SLC25A24: variants seen among roughly 807,000 people sequenced by gnomAD.
The protein encoded by SLC25A24 is solute carrier family 25 member 24.
Under a neutral mutation model 60.7 loss-of-function variants are expected in SLC25A24, and 49 were observed. The ratio of observed to expected loss-of-function variants is 0.81; its 90% confidence interval spans 0.64 to 1.02. SLC25A24 has a LOEUF of 1.02. SLC25A24 is among the 50% of genes least tolerant of loss of function. The probability of loss-of-function intolerance (pLI) is 0.00; values close to 1 mark genes in which losing one functional copy is unlikely to be tolerated. For missense variants in SLC25A24, 564 were observed against 586.3 expected (o/e 0.96, Z 0.39); for synonymous variants, 202 against 200.6 (o/e 1.01, Z -0.06).
chr1:108,179,940 T>C (rs1255974976), intron 3 of SLC25A24, among the ~76,000 whole-genome samples: 1 of 152,192 alleles, frequency 6.6e-6, no homozygotes, highest in East Asian at 1.9e-4. Context: ...ACAATGTACA[T>C]ATACTTCAAA....
intron 2 of SLC25A24, among the ~76,000 whole-genome samples, chr1:108,184,870 C>G (rs1007540193): frequency 1.3e-5 from 2 of 152,150 alleles, no homozygotes; most frequent in African/African-American, 4.8e-5. Context: ...TCTTTAATAA[C>G]AAGTCTGTAA....
At chr1:108,150,970 G>GCAGGAGGACCCACTTGAGGT (rs1558010657) in intron 6 of SLC25A24, among the ~76,000 whole-genome samples, 1 of 151,134 alleles carries the variant, frequency 6.6e-6, no homozygotes, top group Non-Finnish European at 1.5e-5. Context: ...GGAGGCTGAG[G>GCAGGAGGACCCACTTGAGGT]CAGGAGGACC....
At chr1:108,150,192 A>G (rs1010993171) in intron 6 of SLC25A24, among the ~76,000 whole-genome samples, 3 of 152,198 alleles carry the variant, frequency 2.0e-5, no homozygotes, top group African/African-American at 7.2e-5. Flanking sequence ...AGTACAGAGT[A>G]AACGTTTAGT....
At chr1:108,172,360 T>C (rs758212380) in intron 3 of SLC25A24, among the ~76,000 whole-genome samples, 1 of 152,202 alleles carries the variant, frequency 6.6e-6, no homozygotes, top group Non-Finnish European at 1.5e-5. Flanking sequence ...GACTCGGTAA[T>C]TTATAAAGAA....
intron 1 of SLC25A24, chr1:108,192,418 T>C (rs1363472913): frequency 1.9e-6 from 2 of 1,052,704 alleles, no homozygotes; most frequent in Non-Finnish European, 1.4e-6. Context: ...AACATGTAAA[T>C]TTTGCCCTCT....
intron 6 of SLC25A24, among the ~76,000 whole-genome samples, chr1:108,151,022 G>GA (rs1434495679): frequency 8.6e-6 from 1 of 116,228 alleles, no homozygotes; most frequent in African/African-American, 3.3e-5. Flanking sequence ...CCAATACGGT[G>GA]AAACCTCACC....
At chr1:108,187,273 C>G (rs1041735821) in intron 1 of SLC25A24, among the ~76,000 whole-genome samples, 3 of 151,948 alleles carry the variant, frequency 2.0e-5, no homozygotes, top group Non-Finnish European at 4.4e-5. Flanking sequence ...GGTGACCCAT[C>G]ATTGAGGCTT....
intron 3 of SLC25A24, among the ~76,000 whole-genome samples, chr1:108,181,377 T>C (rs1006236489): frequency 6.6e-6 from 1 of 152,236 alleles, no homozygotes; most frequent in Non-Finnish European, 1.5e-5. Flanking sequence ...GCACCTGGGC[T>C]GCAGAGATTA....
rs188475284 is a variant in SLC25A24, at chr1:108,147,921, A to G, written c.930+358T>C. On this transcript the variant is annotated intron_variant, in intron 7 of 9. Coordinates refer to ENST00000565488, the MANE Select transcript of SLC25A24 (RefSeq NM_013386.5). Reference sequence around the variant, plus strand: ...TCTCTCTCTCTCTCTCTGTTGGACCACTGACTCTAGGGAAGCCAGCTACTG... The same window carrying G: ...TCTCTCTCTCTCTCTCTGTTGGACCGCTGACTCTAGGGAAGCCAGCTACTG... Among the ~76,000 whole-genome samples, 33 of 152,226 alleles carry G rather than the reference A, an allele frequency of 2.2e-4. No individual in the cohort carries two copies. In the East Asian group the frequency reaches 5.8e-3, roughly 27 times the overall value.
In SLC25A24 at chr1:108,154,973, T is replaced by C. The variant is rs772782322; in HGVS notation, c.822+10A>G. 6.3e-7 allele frequency: 1 copy of C among 1,595,624 alleles called. No individual in the cohort carries two copies. Among genetic ancestry groups the C allele is most frequent in the South Asian group, 1.1e-5 (1 of 88,034 alleles). ...CTTTGTTAATAAATTCCACGGGTGA[T>C]AACAATTACCTGTTCATATGCCCAG... On this transcript the variant is annotated intron_variant, in intron 6 of 9. Transcript: ENST00000565488.
chr1:108,152,914 C>A (rs1679794251), intron 6 of SLC25A24, among the ~76,000 whole-genome samples: 1 of 152,184 alleles, frequency 6.6e-6, no homozygotes, highest in South Asian at 2.1e-4. Context: ...TACTAAAGGG[C>A]ATTTCCCACC....
At chr1:108,138,951 A>C in intron 9 of SLC25A24, 107 bp downstream of exon 9, 1 of 1,158,610 alleles carries the variant, frequency 8.6e-7, no homozygotes, top group Non-Finnish European at 1.2e-6. Context: ...AAGGTTGAGA[A>C]ATACTGTCTT....
intron 6 of SLC25A24, among the ~76,000 whole-genome samples, chr1:108,149,595 A>G (rs1275706454): frequency 1.3e-5 from 2 of 152,230 alleles, no homozygotes; most frequent in Non-Finnish European, 2.9e-5. Context: ...TTGCTAAGAC[A>G]TTCTGCCCAA....
chr1:108,141,336 T>C (rs1056541950), intron 8 of SLC25A24, among the ~76,000 whole-genome samples: 3 of 152,072 alleles, frequency 2.0e-5, no homozygotes, highest in African/African-American at 7.2e-5. Context: ...ACAGCAATAG[T>C]AGTAGACCAC....
At position 108,139,164 on chromosome 1, in the gene SLC25A24, T is replaced by C. The variant is rs1337934921; in HGVS notation, c.1143A>G (p.Val381=). The C allele has an allele frequency of 1.2e-6, 2 of 1,609,098 alleles. No homozygotes were observed. The highest frequency in any genetic ancestry group is 2.2e-5 in the South Asian group (2 of 89,696). Residue 381 remains valine (V), a synonymous_variant, in exon 9 of 10, where the codon GTA becomes GTG. Coordinates refer to ENST00000565488, the MANE Select transcript of SLC25A24 (RefSeq NM_013386.5). ...CCAGCAACACCATGACTCCAGGGTT[T>C]ACAGAATCTTTTGCAAAATTATCCA... The part of the protein sequence containing the change: ...YWLDNFAKDS[V]NPGVMVLLGC...
intron 8 of SLC25A24, among the ~76,000 whole-genome samples, chr1:108,139,870 C>T (rs1679397528): frequency 6.6e-6 from 1 of 152,040 alleles, no homozygotes; most frequent in Non-Finnish European, 1.5e-5. Flanking sequence ...CCTCGGCCTC[C>T]CAAAGTGCTG....
At chr1:108,189,302 C>A (rs866884407) in intron 1 of SLC25A24, among the ~76,000 whole-genome samples, 1 of 152,158 alleles carries the variant, frequency 6.6e-6, no homozygotes, top group Non-Finnish European at 1.5e-5. Flanking sequence ...CAGTTACCTG[C>A]GGTCAATCAT....
chr1:108,178,948 T>C (rs1647810804), intron 3 of SLC25A24, among the ~76,000 whole-genome samples: 1 of 151,714 alleles, frequency 6.6e-6, no homozygotes, highest in Non-Finnish European at 1.5e-5. Flanking sequence ...AAAAATTTCC[T>C]GAGATGAAAA....
chr1:108,161,756 A>C (rs985844505), intron 3 of SLC25A24, among the ~76,000 whole-genome samples: 2 of 152,168 alleles, frequency 1.3e-5, no homozygotes, highest in Non-Finnish European at 2.9e-5. Flanking sequence ...ATTAACAGCT[A>C]TTATAAAAAA....
Sources: allele counts gnomAD v4.1 joint callset (sites outside exome capture counted in the v4.1 genomes callset), GRCh38; gene constraint gnomAD v4.1.1; transcripts MANE v1.5; gene names NCBI Gene and HGNC (gene_info 2026-07-23, HGNC 2026-07-21).